The following NXPE2 variants were observed in gnomAD, a reference collection of about 807,000 sequenced individuals.
The protein encoded by NXPE2 is neurexophilin and PC-esterase domain family member 2.
A neutral mutation model predicts 34.4 loss-of-function variants in NXPE2; 34 were observed. That is an observed-to-expected ratio of 0.99 (90% CI 0.75 to 1.31). The LOEUF (loss-of-function observed/expected upper bound fraction) is 1.31. Among genes scored for constraint, NXPE2 ranks in the 40% most tolerant of loss-of-function variants. The pLI, the probability that NXPE2 is intolerant of heterozygous loss-of-function variation, is 0.00. For synonymous variants in NXPE2, 235 were observed against 231.3 expected, an observed-to-expected ratio of 1.02 and a Z score of -0.15; for missense variants, 649 against 672.5, an observed-to-expected ratio of 0.97 and a Z score of 0.39.
chr11:114,507,477 G>A, the NXPE2 span, among the ~76,000 whole-genome samples: 929 of 152,082 alleles, frequency 6.1e-3, 3 homozygotes, highest in Admixed American at 0.011. Context: ...GATGAACATC[G>A]ATGCAAAAAT....
At chr11:114,620,516 C>T in the NXPE2 span, among the ~76,000 whole-genome samples, 13 of 151,776 alleles carry the variant, frequency 8.6e-5, no homozygotes, top group African/African-American at 2.4e-4. Context: ...CTAGGGTAAC[C>T]ACTTTAAGGC....
the NXPE2 span, among the ~76,000 whole-genome samples, chr11:114,740,892 T>C: frequency 2.6e-5 from 4 of 152,234 alleles, no homozygotes; most frequent in African/African-American, 9.6e-5. Flanking sequence ...ATCCTTTTGA[T>C]GGATGACTCC....
At chr11:114,812,062 G>T in the NXPE2 span, among the ~76,000 whole-genome samples, 1 of 152,216 alleles carries the variant, frequency 6.6e-6, no homozygotes, top group Non-Finnish European at 1.5e-5. Flanking sequence ...CACAACGAAA[G>T]AAGCATATTA....
At chr11:114,669,044 G>T in the NXPE2 span, among the ~76,000 whole-genome samples, 1 of 151,990 alleles carries the variant, frequency 6.6e-6, no homozygotes, top group South Asian at 2.1e-4. Flanking sequence ...GGAAGAGACT[G>T]ATCAGATTTA....
the NXPE2 span, chr11:114,582,788 CGT>C: frequency 6.2e-7 from 1 of 1,614,116 alleles, no homozygotes; most frequent in Non-Finnish European, 8.5e-7. Context: ...CCCTGCAGTA[CGT>C]ATCTCGAGGG....
At chr11:114,580,841 A>C in the NXPE2 span, among the ~76,000 whole-genome samples, 1 of 152,194 alleles carries the variant, frequency 6.6e-6, no homozygotes, top group African/African-American at 2.4e-5. Flanking sequence ...TATAGGCTGG[A>C]GAGTGTCTTA....
the NXPE2 span, among the ~76,000 whole-genome samples, chr11:114,766,151 T>C: frequency 3.2e-4 from 48 of 152,304 alleles, no homozygotes; most frequent in African/African-American, 1.2e-3. Flanking sequence ...ATTCCAAGGC[T>C]CTATGATTTT....
At chr11:114,732,920 A>G in the NXPE2 span, among the ~76,000 whole-genome samples, 1 of 152,004 alleles carries the variant, frequency 6.6e-6, no homozygotes, top group Non-Finnish European at 1.5e-5. Flanking sequence ...TTAGTTCTTC[A>G]TTTTTAACCT....
At chr11:114,780,620 C>G in the NXPE2 span, among the ~76,000 whole-genome samples, 6 of 152,192 alleles carry the variant, frequency 3.9e-5, no homozygotes, top group South Asian at 4.1e-4. Flanking sequence ...GTACTGGTAA[C>G]TCTAGTAGAA....
the NXPE2 span, among the ~76,000 whole-genome samples, chr11:114,475,756 C>G: frequency 2.0e-5 from 3 of 152,200 alleles, no homozygotes; most frequent in African/African-American, 7.2e-5. Flanking sequence ...CCAGTGACAT[C>G]GCTTTTTGTT....
At chr11:114,783,213 G>A in the NXPE2 span, among the ~76,000 whole-genome samples, 1 of 152,194 alleles carries the variant, frequency 6.6e-6, no homozygotes, top group African/African-American at 2.4e-5. Context: ...CCACAGTTCT[G>A]TTATCCTTTG....
the NXPE2 span, among the ~76,000 whole-genome samples, chr11:114,812,325 C>T: frequency 1.3e-5 from 2 of 152,178 alleles, no homozygotes; most frequent in Admixed American, 1.3e-4. Context: ...ATCACTTGTT[C>T]TCACTTCTGT....
Position 114,698,246 on chromosome 11 carries a change from A to G in NXPE2, c.334A>G (p.Ser112Gly), listed in dbSNP as rs1239823905. Residue 112 changes from serine (S) to glycine (G), a missense_variant, in exon 3 of 6, where the codon AGC becomes GGC. Ser to Gly is a moderately conservative substitution (Grantham distance 56). Coordinates refer to ENST00000389586, the MANE Select transcript of NXPE2 (RefSeq NM_182495.6). ...GAATACCACCACCAGTGCCACACAC[A>G]GCACAGCCACCATCCTCAACCCTCA... ...HVNTTTSATH[S>G]TATILNPQDT... is the part of the protein sequence containing the mutation. 1 of 1,613,718 alleles carries G rather than the reference A, an allele frequency of 6.2e-7. No individual in the cohort carries two copies. The highest frequency in any genetic ancestry group is 1.1e-5 in the South Asian group (1 of 91,010).
the NXPE2 span, among the ~76,000 whole-genome samples, chr11:114,803,948 C>G: frequency 6.6e-6 from 1 of 152,156 alleles, no homozygotes; most frequent in Non-Finnish European, 1.5e-5. Context: ...TAATCACCCC[C>G]CAAAGGTCCT....
chr11:114,661,216 C>T, the NXPE2 span, among the ~76,000 whole-genome samples: 1 of 152,076 alleles, frequency 6.6e-6, no homozygotes, highest in African/African-American at 2.4e-5. Context: ...AAATCAAAAT[C>T]CAGTAGGGTA....
At chr11:114,545,631 A>G in the NXPE2 span, among the ~76,000 whole-genome samples, 1 of 152,092 alleles carries the variant, frequency 6.6e-6, no homozygotes, top group Non-Finnish European at 1.5e-5. Context: ...TGTGTATGAT[A>G]CTGTTGTGTA....
the NXPE2 span, among the ~76,000 whole-genome samples, chr11:114,620,359 G>A: frequency 2.7e-4 from 41 of 150,434 alleles, no homozygotes; most frequent in African/African-American, 6.8e-4. Flanking sequence ...CACTGTTACC[G>A]GTGGAAAATA....
At chr11:114,771,546 A>G in the NXPE2 span, among the ~76,000 whole-genome samples, 3 of 151,738 alleles carry the variant, frequency 2.0e-5, no homozygotes, top group Non-Finnish European at 2.9e-5. Flanking sequence ...ACACAGGTCA[A>G]CTGGGAGGGA....
the NXPE2 span, among the ~76,000 whole-genome samples, chr11:114,490,990 G>A: frequency 1.7e-3 from 258 of 149,588 alleles, 1 homozygote; most frequent in African/African-American, 6.1e-3. Context: ...GTGAAACCCC[G>A]TCTCTACTAA....
Sources: allele counts gnomAD v4.1 joint callset (sites outside exome capture counted in the v4.1 genomes callset), GRCh38; gene constraint gnomAD v4.1.1; transcripts MANE v1.5; gene names NCBI Gene and HGNC (gene_info 2026-07-23, HGNC 2026-07-21).